The following TRIM42 variants were observed in gnomAD, a reference collection of about 807,000 sequenced individuals.
The protein encoded by TRIM42 is tripartite motif-containing protein 42.
Under a neutral mutation model 64.9 loss-of-function variants are expected in TRIM42, and 59 were observed. The ratio of observed to expected loss-of-function variants is 0.91; its 90% CI spans 0.74 to 1.13. The LOEUF is 1.13. Among genes scored for constraint, TRIM42 ranks in the 50% most tolerant of loss-of-function variants. The probability of loss-of-function intolerance (pLI) is 0.00; values close to 1 mark genes in which losing one functional copy is unlikely to be tolerated. For synonymous variants in TRIM42, 354 were observed against 346.3 expected (o/e 1.02, Z -0.25); for missense variants, 878 against 929.5 (o/e 0.94, Z 0.72).
rs148921033 is a variant in TRIM42 at position 140,689,792 on chromosome 3, T to C, written c.1861-1176T>C. ...GCTGAACTACATTTCCAATTGATAC[T>C]AGATCAGCAAGGCCTATCGTGTATG... On this transcript the variant is annotated intron_variant, in intron 3 of 4. Coordinates refer to ENST00000286349, the MANE Select transcript of TRIM42 (RefSeq NM_152616.5). Among the ~76,000 whole-genome samples the C allele has an allele frequency of 1.8e-3, 274 of 151,036 alleles. 2 individuals are homozygous for C. The highest frequency in any genetic ancestry group is 3.3e-3 in the Admixed American group (49 of 15,034).
chr3:140,691,005 T>A lies in TRIM42; in HGVS notation c.1898T>A (p.Phe633Tyr), dbSNP rs1177088223. 1.2e-6 allele frequency: 2 copies of A among 1,614,114 alleles called. No individual in the cohort carries two copies. The highest frequency in any genetic ancestry group is 3.3e-5 in the Admixed American group (2 of 60,024). ...TGTCCAGCAGAAGACGTGGACTCTT[T>A]TGAGATGGAATTCTATGAAGTCATT... is the stretch of plus-strand genomic sequence containing the variant. Reference protein sequence around the residue: ...WTCPAEDVDSFEMEFYEVITS... With the variant: ...WTCPAEDVDSYEMEFYEVITS... Residue 633 changes from phenylalanine (F) to tyrosine (Y), a missense_variant, in exon 4 of 5, where the codon TTT becomes TAT. Transcript: ENST00000286349.
chr3:140,691,521 A>G (rs1322029442), intron 4 of TRIM42, among the ~76,000 whole-genome samples: 1 of 152,208 alleles, frequency 6.6e-6, no homozygotes, highest in Non-Finnish European at 1.5e-5. Flanking sequence ...AAGGACATGA[A>G]ATAATTGTGG....
rs543860529 is a variant in TRIM42, at chr3:140,690,261, AT to A, written c.1861-701del. On this transcript the variant is annotated intron_variant, in intron 3 of 4. Coordinates refer to ENST00000286349, the MANE Select transcript of TRIM42 (RefSeq NM_152616.5). ...AATATGTATTGTTAATATCATAGAG[AT>A]TTTTTAAACTCAGTTTTAGTTCTAG... Among the ~76,000 whole-genome samples the A allele has an allele frequency of 1.5e-4, 23 of 152,144 alleles. No homozygotes were observed. The South Asian group carries it at 4.6e-3, about 30-fold the overall frequency.
At chr3:140,697,979 G>A (rs1988901090) in intron 4 of TRIM42, among the ~76,000 whole-genome samples, 1 of 152,152 alleles carries the variant, frequency 6.6e-6, no homozygotes, top group Non-Finnish European at 1.5e-5. Flanking sequence ...CACCGCGCCT[G>A]GCCAGAAATG....
intron 4 of TRIM42, among the ~76,000 whole-genome samples, chr3:140,700,366 T>C (rs541232413): frequency 6.6e-6 from 1 of 152,354 alleles, no homozygotes; most frequent in African/African-American, 2.4e-5. Flanking sequence ...ATTATAGTTC[T>C]ATTCACTGTT....
chr3:140,679,241 T>A (rs1029095757), intron 1 of TRIM42, among the ~76,000 whole-genome samples: 2 of 152,226 alleles, frequency 1.3e-5, no homozygotes, highest in South Asian at 4.1e-4. Context: ...CATACATCCA[T>A]GAACTCCTAC....
intron 1 of TRIM42, 142 bp from the exon 2 acceptor site, chr3:140,682,320 G>C (rs1165007959): frequency 1.4e-6 from 1 of 739,096 alleles, no homozygotes; most frequent in African/African-American, 1.8e-5. Flanking sequence ...GATTGAGAAC[G>C]CAGGCACCTT....
At chr3:140,684,617 A>G (rs1020606111) in intron 2 of TRIM42, among the ~76,000 whole-genome samples, 2 of 152,050 alleles carry the variant, frequency 1.3e-5, no homozygotes, top group Non-Finnish European at 2.9e-5. Flanking sequence ...GAATACCTTA[A>G]TTTTTCTCAA....
At chr3:140,700,757 G>T (rs1312913570) in intron 4 of TRIM42, 131 bp from the exon 5 acceptor site, 4 of 721,408 alleles carry the variant, frequency 5.5e-6, no homozygotes, top group Non-Finnish European at 9.3e-6. Flanking sequence ...CTATAAAGTG[G>T]CACCAACAGC....
intron 3 of TRIM42, among the ~76,000 whole-genome samples, chr3:140,689,784 A>G (rs1418408572): frequency 2.7e-5 from 4 of 150,820 alleles, no homozygotes; most frequent in African/African-American, 4.9e-5. Flanking sequence ...TACATTTCCA[A>G]TTGATACTAG....
chr3:140,697,477 T>G (rs1988880962), intron 4 of TRIM42, among the ~76,000 whole-genome samples: 1 of 152,352 alleles, frequency 6.6e-6, no homozygotes, highest in Non-Finnish European at 1.5e-5. Context: ...GTTTCACCTT[T>G]CAAATTTAGC....
At position 140,688,178 on chromosome 3, in the gene TRIM42, C is replaced by A; in HGVS notation, c.1496C>A (p.Ser499Tyr). The stretch of plus-strand genomic sequence containing the variant: ...CCCACAGGGCCCAAGAAGGTACGCT[C>A]CTCAGGGGACTCCCTGCCCTCCCCC... ...LFPTGPKKVR[S>Y]SGDSLPSPYP... Residue 499 changes from serine to tyrosine, a missense_variant, in exon 3 of 5, where the codon TCC becomes TAC. Coordinates refer to ENST00000286349, the MANE Select transcript of TRIM42 (RefSeq NM_152616.5). 2 of 1,614,180 alleles carry A rather than the reference C, an allele frequency of 1.2e-6. No individual in the cohort carries two copies. The highest frequency in any genetic ancestry group is 1.7e-6 in the Non-Finnish European group (2 of 1,180,034).
rs778272672 is a variant in TRIM42, at chr3:140,682,478, C to A, written c.358C>A (p.Arg120Ser). The A allele has an allele frequency of 1.9e-6, 3 of 1,613,658 alleles. No individual in the cohort carries two copies. The highest frequency in any genetic ancestry group is 1.3e-5 in the African/African-American group (1 of 75,052). The change falls in exon 2 of 5, where the codon CGC becomes AGC. Residue 120 changes from arginine to serine, a missense_variant. Physicochemically the swap from Arg to Ser is moderately radical, Grantham distance 110 (BLOSUM62 -1). Transcript: ENST00000286349. ...SIHTSSKTAL[R>S]TGSSDTQVDE... ...TCCTTTCAGCTCCAAGACTGCCCTGCGCACTGGGAGCAGCGATACCCAGGT... is the reference window on the plus strand; with the variant it reads ...TCCTTTCAGCTCCAAGACTGCCCTGAGCACTGGGAGCAGCGATACCCAGGT...
At chr3:140,685,104 A>G (rs1352268976) in intron 2 of TRIM42, among the ~76,000 whole-genome samples, 2 of 152,250 alleles carry the variant, frequency 1.3e-5, no homozygotes, top group Non-Finnish European at 2.9e-5. Flanking sequence ...GAAGAAACAG[A>G]CACACAAAAA....
At position 140,678,354 on chromosome 3, in the gene TRIM42, G is replaced by T; in HGVS notation, c.125G>T (p.Cys42Phe). Residue 42 changes from cysteine to phenylalanine, a missense_variant, in exon 1 of 5, where the codon TGC (cysteine) becomes TTC (phenylalanine). Physicochemically the swap from Cys to Phe is radical, Grantham distance 205. Coordinates refer to ENST00000286349, the MANE Select transcript of TRIM42 (RefSeq NM_152616.5). Reference protein sequence around the residue: ...TSERNCTCFPCPYKDERNCQF... With the variant: ...TSERNCTCFPFPYKDERNCQF... The stretch of plus-strand genomic sequence containing the variant: ...GAGCGGAACTGCACCTGCTTCCCCT[G>T]CCCTTACAAAGATGAGCGGAACTGC... 1 of 1,614,138 alleles carries T rather than the reference G, an allele frequency of 6.2e-7. No individual in the cohort carries two copies. The highest frequency in any genetic ancestry group is 8.5e-7 in the Non-Finnish European group (1 of 1,180,014).
At position 140,682,370 on chromosome 3, in the gene TRIM42, C is replaced by G. The variant is rs913534937; in HGVS notation, c.342-92C>G. 1.3e-5 allele frequency: 16 copies of G among 1,266,748 alleles called. No individual in the cohort carries two copies. The African/African-American group carries it at 2.1e-4, about 16-fold the overall frequency. The allele number at this position is 1,266,748 out of a possible 1,614,324, so 78.5% of individuals were successfully genotyped here. A position where few individuals can be genotyped will look rare whatever the true frequency, so the allele number is the denominator to read the frequency against. On this transcript the variant is annotated intron_variant, in intron 1 of 4. Coordinates refer to ENST00000286349, the MANE Select transcript of TRIM42 (RefSeq NM_152616.5). Reference sequence around the variant, plus strand: ...GCTCCTCACCACCACACTAGACTGCCCCTCAGGAACCAAGAGTTCTTTCAG... The same window carrying G: ...GCTCCTCACCACCACACTAGACTGCGCCTCAGGAACCAAGAGTTCTTTCAG...
chr3:140,689,760 C>T (rs1329439813), intron 3 of TRIM42, among the ~76,000 whole-genome samples: 3 of 151,122 alleles, frequency 2.0e-5, no homozygotes, highest in South Asian at 2.1e-4. Flanking sequence ...ATGCCCATAA[C>T]TGAGCAGCTG....
intron 3 of TRIM42, among the ~76,000 whole-genome samples, chr3:140,688,995 C>T (rs1988637624): frequency 6.6e-6 from 1 of 152,190 alleles, no homozygotes; most frequent in African/African-American, 2.4e-5. Flanking sequence ...AGCAAATATC[C>T]AGAATCTCTA....
At chr3:140,697,833 G>A (rs1041937053) in intron 4 of TRIM42, among the ~76,000 whole-genome samples, 46 of 152,158 alleles carry the variant, frequency 3.0e-4, no homozygotes, top group Non-Finnish European at 5.1e-4. Context: ...ACAGGCGCCC[G>A]CCACCACGCC....
Sources: allele counts gnomAD v4.1 joint callset (sites outside exome capture counted in the v4.1 genomes callset), GRCh38; gene constraint gnomAD v4.1.1; transcripts MANE v1.5; gene names NCBI Gene and HGNC (gene_info 2026-07-23, HGNC 2026-07-21).